The following VAV2 variants were observed in gnomAD, a reference collection of about 807,000 sequenced individuals.
VAV2 encodes the protein vav guanine nucleotide exchange factor 2.
A neutral mutation model predicts 132.5 loss-of-function variants in VAV2; 67 were observed. That is an observed-to-expected ratio of 0.51 (90% confidence interval 0.42 to 0.62). VAV2 has a LOEUF of 0.62. Among genes scored for constraint, VAV2 ranks in the 20% least tolerant of loss-of-function variants. The pLI is 0.00. For missense variants in VAV2, 938 were observed against 1,153.6 expected (o/e 0.81, Z 2.71); for synonymous variants, 492 against 443.5 (o/e 1.11, Z -1.37).
In VAV2 at chr9:133,884,287, G is replaced by C. The variant is rs796273810; in HGVS notation, c.322-22855C>G. ...ACGGGAGCACACTGAATGAACATGT[G>C]ATCATTACCCACCACCACCACGCGT... On this transcript the variant is annotated intron_variant, in intron 2 of 29. Transcript: ENST00000371850. The surrounding 1 kb of genome is among the most constrained non-coding windows in gnomAD (Gnocchi z 5.3). Among the ~76,000 whole-genome samples, 1 of 152,184 alleles carries C rather than the reference G, an allele frequency of 6.6e-6. No individual in the cohort carries two copies. Among genetic ancestry groups the C allele is most frequent in the Admixed American group, 6.5e-5 (1 of 15,286 alleles).
chr9:133,900,632 G>GC (rs1001039093), intron 2 of VAV2, among the ~76,000 whole-genome samples: 2 of 152,034 alleles, frequency 1.3e-5, no homozygotes, highest in African/African-American at 4.8e-5. Context: ...TCATCTGCCT[G>GC]CCCATGCTTT....
At chr9:133,813,764 G>A (rs905808911) in intron 4 of VAV2, among the ~76,000 whole-genome samples, 2 of 152,236 alleles carry the variant, frequency 1.3e-5, no homozygotes, top group African/African-American at 4.8e-5. Context: ...TTGGCAGAGG[G>A]CAGATGGCCC....
intron 23 of VAV2, 87 bp downstream of exon 23, chr9:133,777,302 C>A: frequency 7.0e-7 from 1 of 1,432,880 alleles, no homozygotes; most frequent in Admixed American, 1.8e-5. Context: ...CTGAACAAGC[C>A]AAAAATGTCC....
intron 1 of VAV2, among the ~76,000 whole-genome samples, chr9:133,958,156 G>C (rs1418198345): frequency 2.2e-5 from 3 of 139,502 alleles, no homozygotes; most frequent in African/African-American, 7.7e-5. Flanking sequence ...CTCGTGGGAA[G>C]GGAAAGACCT....
rs1292980439 is a variant in VAV2, at chr9:133,823,148, C to T, written c.450-10932G>A. On this transcript the variant is annotated intron_variant, in intron 4 of 29. Coordinates refer to ENST00000371850, the MANE Select transcript of VAV2 (RefSeq NM_001134398.2). The surrounding 1 kb of genome is among the most constrained non-coding windows in gnomAD (Gnocchi z 5.5). Reference sequence around the variant, plus strand: ...TCATTATCCCCAGCCCTTCCTCCTACCACAGTGAACCAGGCCCAGGCCTAG... The same window carrying T: ...TCATTATCCCCAGCCCTTCCTCCTATCACAGTGAACCAGGCCCAGGCCTAG... Among the ~76,000 whole-genome samples the T allele has an allele frequency of 6.6e-6, 1 of 152,246 alleles. No individual in the cohort carries two copies. Among genetic ancestry groups the T allele is most frequent in the African/African-American group, 2.4e-5 (1 of 41,464 alleles).
chr9:133,905,144 C>T (rs1839594517), intron 2 of VAV2, among the ~76,000 whole-genome samples: 2 of 152,152 alleles, frequency 1.3e-5, no homozygotes, highest in African/African-American at 4.8e-5. Context: ...AGAACAGTGG[C>T]TCAGCCGGGC....
At position 133,769,460 on chromosome 9, in the gene VAV2, G is replaced by T. The variant is rs772919323; in HGVS notation, c.2391C>A (p.Gly797=). 3 of 1,613,332 alleles carry T rather than the reference G, an allele frequency of 1.9e-6. No individual in the cohort carries two copies. In the South Asian group the frequency reaches 3.3e-5, roughly 18 times the overall value. ...AGGGGCCCTGAGAAGCAAAGCTGAG[G>T]CCCTGAGGACTGAGAAAAGAAAAGT... ...SYNFSFLSPQ[G]LSFASQGPSA... The change falls in exon 28 of 30, where the codon GGC becomes GGA. Residue 797 remains glycine, a synonymous_variant. Transcript: ENST00000371850. The surrounding 1 kb of genome is among the most constrained non-coding windows in gnomAD (Gnocchi z 8.1).
At chr9:133,964,223 T>TGGCACACGCCTGTAGTCCCAGC (rs1178866628) in intron 1 of VAV2, among the ~76,000 whole-genome samples, 1 of 150,740 alleles carries the variant, frequency 6.6e-6, no homozygotes, top group African/African-American at 2.4e-5. Flanking sequence ...CCAGGCGCAG[T>TGGCACACGCCTGTAGTCCCAGC]GGCACACGCC....
Position 133,896,910 on chromosome 9 carries a change from T to C in VAV2, c.322-35478A>G, listed in dbSNP as rs1009894116. 7.2e-5 allele frequency among the ~76,000 whole-genome samples: 11 copies of C among 151,796 alleles called. 1 individual carries two copies. The highest frequency in any genetic ancestry group is 2.4e-4 in the African/African-American group (10 of 41,308). On this transcript the variant is annotated intron_variant, in intron 2 of 29. Coordinates refer to ENST00000371850, the MANE Select transcript of VAV2 (RefSeq NM_001134398.2). Reference sequence around the variant, plus strand: ...GAGATCAAGACCATCCTGGCTAACATGGTGAAACCCCGTCTCTACTAAAAA... The same window carrying C: ...GAGATCAAGACCATCCTGGCTAACACGGTGAAACCCCGTCTCTACTAAAAA...
intron 2 of VAV2, among the ~76,000 whole-genome samples, chr9:133,932,020 G>T (rs1192431397): frequency 6.6e-6 from 1 of 152,192 alleles, no homozygotes; most frequent in Non-Finnish European, 1.5e-5. Context: ...CTCGCAATGA[G>T]ATCAGAGTCC....
At chr9:133,862,245 G>C (rs1837625294) in intron 2 of VAV2, among the ~76,000 whole-genome samples, 2 of 152,248 alleles carry the variant, frequency 1.3e-5, no homozygotes, top group Non-Finnish European at 2.9e-5. Flanking sequence ...GATCTCCAAA[G>C]GGACAGGTGG....
Position 133,810,340 on chromosome 9 carries a change from G to A in VAV2, c.553-135C>T, listed in dbSNP as rs910447415. ...ACCCAAAGCCACATCACGGCCCCTC[G>A]TGCTGCCCAGCTGGGCAGGGCGATG... On this transcript the variant is annotated intron_variant, in intron 5 of 29. Transcript: ENST00000371850. The A allele has an allele frequency of 9.2e-6, 13 of 1,414,128 alleles. No individual in the cohort carries two copies. The East Asian group carries it at 9.9e-5, about 11-fold the overall frequency. 87.6% of individuals were successfully genotyped at this position (1,414,128 alleles called of 1,614,324 possible).
In VAV2 at chr9:133,778,897, G is replaced by T. The variant is rs1588162652; in HGVS notation, c.1763-8C>A. On this transcript the variant is annotated splice_region_variant and splice_polypyrimidine_tract_variant and intron_variant, in intron 21 of 29. Transcript: ENST00000371850. ...TGGCCACCATCTTGGGACCTGCAAA[G>T]GATAGGACAGCTCACTCAGTGACTC... The T allele has an allele frequency of 6.2e-7, 1 of 1,611,628 alleles. No individual in the cohort carries two copies.
chr9:133,941,615 G>T lies in VAV2; in HGVS notation c.205-2396C>A, dbSNP rs796386686. ...TGTGAGTCCACTTTTTTTTGGGGGG[G>T]GGGGGGGACGGAATTTCGCCCTTGT... On this transcript the variant is annotated intron_variant, in intron 1 of 29. Coordinates refer to ENST00000371850, the MANE Select transcript of VAV2 (RefSeq NM_001134398.2). Among the ~76,000 whole-genome samples the T allele has an allele frequency of 1.5e-4, 23 of 149,124 alleles. No homozygotes were observed. The South Asian group carries it at 4.1e-3, about 26-fold the overall frequency.
intron 13 of VAV2, 79 bp downstream of exon 13, chr9:133,791,704 C>G: frequency 7.7e-7 from 1 of 1,296,964 alleles, no homozygotes; most frequent in Admixed American, 1.7e-5. Context: ...GGAGCTCACT[C>G]AATACTGGGG....
chr9:133,874,982 G>A (rs948049628), intron 2 of VAV2, among the ~76,000 whole-genome samples: 2 of 152,142 alleles, frequency 1.3e-5, no homozygotes, highest in Non-Finnish European at 1.5e-5. Flanking sequence ...AAATGGGTGC[G>A]TCTCATCCAA....
chr9:133,785,932 C>T, intron 16 of VAV2, 47 bp from the exon 17 acceptor site: 6 of 1,518,100 alleles, frequency 4.0e-6, no homozygotes, highest in Non-Finnish European at 4.6e-6. Context: ...CGGCTTCAGA[C>T]ATCCTGGCAC....
At chr9:133,920,962 GC>G (rs1279896164) in intron 2 of VAV2, among the ~76,000 whole-genome samples, 2 of 152,218 alleles carry the variant, frequency 1.3e-5, no homozygotes, top group Non-Finnish European at 2.9e-5. Flanking sequence ...CTGCTATCGT[GC>G]GGGATCAGAA....
intron 1 of VAV2, among the ~76,000 whole-genome samples, chr9:133,989,908 C>T (rs1032837457): frequency 2.6e-5 from 4 of 152,224 alleles, no homozygotes; most frequent in African/African-American, 4.8e-5. Flanking sequence ...CTCCACGGGA[C>T]AGAGGAGTGG....
Sources: gnomAD v4.1 joint callset for allele counts (sites outside exome capture counted in the v4.1 genomes callset) on GRCh38, gnomAD v4.1.1 for gene constraint, Gnocchi (gnomAD v3.1) non-coding constraint, MANE v1.5 for transcripts, NCBI Gene and HGNC (gene_info 2026-07-23, HGNC 2026-07-21) for gene names.